PARD3: variants seen among roughly 807,000 people sequenced by gnomAD.
The protein encoded by PARD3 is partitioning defective 3 homolog.
In PARD3, 75 loss-of-function variants were observed where a neutral mutation model predicts 155.4. The ratio of observed to expected loss-of-function variants is 0.48; its 90% CI spans 0.40 to 0.58. The LOEUF (loss-of-function observed/expected upper bound fraction) is 0.58, where lower values mean the gene tolerates loss of function less well. PARD3 is among the 20% of genes least tolerant of loss of function. The pLI, the probability that PARD3 is intolerant of heterozygous loss-of-function variation, is 0.00. For missense variants in PARD3, 1,642 were observed against 1,721.7 expected (o/e 0.95, Z 0.82); for synonymous variants, 576 against 610.5 (o/e 0.94, Z 0.83).
chr10:34,634,851 C>A (rs1252727401), intron 2 of PARD3, among the ~76,000 whole-genome samples: 16 of 152,124 alleles, frequency 1.1e-4, no homozygotes, highest in Admixed American at 9.8e-4. Context: ...GTGCTGGGAA[C>A]AAAAGGCATC....
At chr10:34,223,146 C>G (rs1952400322) in intron 22 of PARD3, among the ~76,000 whole-genome samples, 1 of 152,086 alleles carries the variant, frequency 6.6e-6, no homozygotes, top group Non-Finnish European at 1.5e-5. Flanking sequence ...CACACGGGGC[C>G]TGTAGACCAC....
At chr10:34,439,137 C>A (rs2076335788) in intron 5 of PARD3, among the ~76,000 whole-genome samples, 1 of 152,150 alleles carries the variant, frequency 6.6e-6, no homozygotes, top group African/African-American at 2.4e-5. Flanking sequence ...AGAGTGAAAA[C>A]TTTGGTGTTT....
At chr10:34,231,691 G>A (rs1225248470) in intron 22 of PARD3, among the ~76,000 whole-genome samples, 1 of 150,810 alleles carries the variant, frequency 6.6e-6, no homozygotes, top group African/African-American at 2.5e-5. Context: ...CCTGACCTTC[G>A]CATCTGTGCT....
chr10:34,801,437 T>C lies in PARD3; in HGVS notation c.120+13439A>G, dbSNP rs370374273. Among the ~76,000 whole-genome samples the C allele has an allele frequency of 5.6e-4, 86 of 152,224 alleles. No individual in the cohort carries two copies. In the East Asian group the frequency reaches 0.014, roughly 25 times the overall value. ...AAGAGGAAAACAACCCCTTCAATAC[T>C]GTGGTATGAAAAAGACGGATGAGAG... is the stretch of plus-strand genomic sequence containing the variant. On this transcript the variant is annotated intron_variant, in intron 1 of 24. Coordinates refer to ENST00000374788, the MANE Select transcript of PARD3 (RefSeq NM_001184785.2).
chr10:34,573,766 CACACACACACACACACACAG>C (rs1346290490), intron 2 of PARD3, among the ~76,000 whole-genome samples: 11 of 151,600 alleles, frequency 7.3e-5, no homozygotes, highest in African/African-American at 2.7e-4. Flanking sequence ...CACACACACA[CACACACACACACACACACAG>C]AGAATCAGCC....
At chr10:34,365,962 T>C (rs1210680297) in intron 12 of PARD3, among the ~76,000 whole-genome samples, 2 of 152,224 alleles carry the variant, frequency 1.3e-5, no homozygotes, top group African/African-American at 4.8e-5. Context: ...AAAAATACAT[T>C]AAAATGATGA....
intron 5 of PARD3, among the ~76,000 whole-genome samples, chr10:34,403,589 G>A (rs1204572367): frequency 6.6e-6 from 1 of 152,194 alleles, no homozygotes; most frequent in Non-Finnish European, 1.5e-5. Context: ...ACTTTTCTGT[G>A]AGTCGTAGCT....
At chr10:34,666,796 A>AAAAAAAAAT (rs1358640964) in intron 2 of PARD3, among the ~76,000 whole-genome samples, 1,501 of 66,340 alleles carry the variant, frequency 0.023, 159 homozygotes, top group Non-Finnish European at 0.033. Flanking sequence ...AAAAAAAAAA[A>AAAAAAAAAT]ATATATATAT....
At chr10:34,132,609 C>T (rs1170391806) in intron 22 of PARD3, among the ~76,000 whole-genome samples, 1 of 152,164 alleles carries the variant, frequency 6.6e-6, no homozygotes, top group Non-Finnish European at 1.5e-5. Context: ...ATAAATCTCA[C>T]AGCACTTTTG....
At chr10:34,138,872 A>G (rs1692699) in intron 22 of PARD3, among the ~76,000 whole-genome samples, 74,127 of 151,684 alleles carry the variant, frequency 0.49, 19,538 homozygotes, top group Non-Finnish European at 0.6. Context: ...ATGAAAAAGG[A>G]ACATTATTCT....
chr10:34,206,982 A>G (rs923436854), intron 22 of PARD3, among the ~76,000 whole-genome samples: 1 of 152,166 alleles, frequency 6.6e-6, no homozygotes, highest in Non-Finnish European at 1.5e-5. Context: ...ACTCTAGATT[A>G]CACAGCTTCA....
intron 21 of PARD3, among the ~76,000 whole-genome samples, chr10:34,271,240 G>A (rs1197677508): frequency 1.3e-5 from 2 of 152,066 alleles, no homozygotes; most frequent in Admixed American, 1.3e-4. Flanking sequence ...GCAAAGAAAA[G>A]GAAGAAAGAA....
At chr10:34,754,535 C>G (rs1210475933) in intron 1 of PARD3, among the ~76,000 whole-genome samples, 6 of 152,182 alleles carry the variant, frequency 3.9e-5, no homozygotes, top group Admixed American at 1.3e-4. Context: ...AGAAAATACT[C>G]AAATACTTTA....
At chr10:34,730,770 T>C (rs1025030931) in intron 1 of PARD3, among the ~76,000 whole-genome samples, 1 of 152,184 alleles carries the variant, frequency 6.6e-6, no homozygotes, top group African/African-American at 2.4e-5. Context: ...AAGGTGACTC[T>C]GTCTCCAAAA....
At chr10:34,430,733 G>A (rs2075857447) in intron 5 of PARD3, among the ~76,000 whole-genome samples, 1 of 152,182 alleles carries the variant, frequency 6.6e-6, no homozygotes, top group Non-Finnish European at 1.5e-5. Context: ...TGGTATTAAA[G>A]CTTCTGAACA....
chr10:34,193,982 C>G (rs1343858348), intron 22 of PARD3, among the ~76,000 whole-genome samples: 1 of 152,150 alleles, frequency 6.6e-6, no homozygotes, highest in African/African-American at 2.4e-5. Context: ...GCAGCTGCTT[C>G]TGCAAGGACT....
chr10:34,414,113 A>T (rs1322769539), intron 5 of PARD3, among the ~76,000 whole-genome samples: 1 of 151,906 alleles, frequency 6.6e-6, no homozygotes, highest in Non-Finnish European at 1.5e-5. Flanking sequence ...TGGGAGGATC[A>T]CTTGAGCCCC....
At chr10:34,424,992 C>G (rs1200025021) in intron 5 of PARD3, among the ~76,000 whole-genome samples, 2 of 152,160 alleles carry the variant, frequency 1.3e-5, no homozygotes, top group Non-Finnish European at 2.9e-5. Flanking sequence ...TCCTAGAAAC[C>G]TGGGGCGTGT....
intron 14 of PARD3, among the ~76,000 whole-genome samples, chr10:34,350,110 G>C (rs1837881107): frequency 6.6e-6 from 1 of 152,126 alleles, no homozygotes; most frequent in South Asian, 2.1e-4. Flanking sequence ...TTTAACAGAA[G>C]ATACAATGGC....
Sources: gnomAD v4.1 joint callset for allele counts (sites outside exome capture counted in the v4.1 genomes callset) on GRCh38, gnomAD v4.1.1 for gene constraint, MANE v1.5 for transcripts, NCBI Gene and HGNC (gene_info 2026-07-23, HGNC 2026-07-21) for gene names.